Variants in TEAD1 observed in about 807,000 individuals in gnomAD.
TEAD1 encodes the protein transcriptional enhancer factor TEF-1.
In TEAD1, 9 loss-of-function variants were observed where a neutral mutation model predicts 54.9. The ratio of observed to expected loss-of-function variants is 0.16; its 90% CI spans 0.10 to 0.29. TEAD1 has a LOEUF of 0.29. Among genes scored for constraint, TEAD1 ranks in the 10% least tolerant of loss-of-function variants. TEAD1 has a pLI of 1.00. For synonymous variants in TEAD1, 200 were observed against 187.8 expected, an observed-to-expected ratio of 1.07 and a Z score of -0.53; for missense variants, 387 against 535.9, an observed-to-expected ratio of 0.72 and a Z score of 2.74.
intron 5 of TEAD1, among the ~76,000 whole-genome samples, chr11:12,866,651 G>A (rs1276870234): frequency 6.6e-6 from 1 of 152,308 alleles, no homozygotes; most frequent in East Asian, 1.9e-4. Context: ...CAGGCACAAG[G>A]AAGAGACAGA....
At chr11:12,753,726 C>T (rs780346643) in intron 2 of TEAD1, among the ~76,000 whole-genome samples, 4 of 152,088 alleles carry the variant, frequency 2.6e-5, no homozygotes, top group Admixed American at 6.5e-5. Context: ...TTCAAGAAAG[C>T]GAGTTCTGAG....
At chr11:12,788,429 G>A (rs1945728188) in intron 3 of TEAD1, among the ~76,000 whole-genome samples, 1 of 152,088 alleles carries the variant, frequency 6.6e-6, no homozygotes, top group Admixed American at 6.5e-5. Flanking sequence ...ACCGTGCCTG[G>A]CCAAATCTTC....
Position 12,862,233 on chromosome 11 carries a change from A to G in TEAD1, c.203-17A>G. The G allele has an allele frequency of 6.2e-7, 1 of 1,612,476 alleles. No individual in the cohort carries two copies. Among genetic ancestry groups the G allele is most frequent in the African/African-American group, 1.3e-5 (1 of 74,966 alleles). ...GTTTTGGTAACCCACCTCATGGTAA[A>G]TTCTTCTTTCTTTCAGGTAGGAATG... On this transcript the variant is annotated splice_polypyrimidine_tract_variant and intron_variant, in intron 3 of 12. Transcript: ENST00000527636.
chr11:12,895,658 T>A (rs1478486710), intron 9 of TEAD1, among the ~76,000 whole-genome samples: 1 of 152,246 alleles, frequency 6.6e-6, no homozygotes, highest in African/African-American at 2.4e-5. Flanking sequence ...TGATTGGTGG[T>A]TTATTTAATA....
chr11:12,731,399 A>G (rs766844025), intron 2 of TEAD1, among the ~76,000 whole-genome samples: 11 of 152,104 alleles, frequency 7.2e-5, no homozygotes, highest in Non-Finnish European at 1.5e-4. Context: ...TAGTCTTCCA[A>G]AGTATTTTCA....
chr11:12,676,322 A>G (rs1191136133), intron 2 of TEAD1, among the ~76,000 whole-genome samples: 1 of 152,220 alleles, frequency 6.6e-6, no homozygotes, highest in Non-Finnish European at 1.5e-5. Context: ...TTACCTGAGT[A>G]GACATATCCC....
chr11:12,930,658 G>A (rs1329164292), intron 12 of TEAD1, among the ~76,000 whole-genome samples: 1 of 152,160 alleles, frequency 6.6e-6, no homozygotes, highest in Non-Finnish European at 1.5e-5. Context: ...CTGTATCCTA[G>A]ATCAATTAAA....
intron 2 of TEAD1, among the ~76,000 whole-genome samples, chr11:12,676,064 T>C (rs192017573): frequency 1.3e-5 from 2 of 152,280 alleles, no homozygotes; most frequent in African/African-American, 4.8e-5. Flanking sequence ...GAGCAGGGAA[T>C]GTAAAAAGGC....
chr11:12,747,647 T>C lies in TEAD1; in HGVS notation c.-54-16532T>C, dbSNP rs114122619. 7.8e-3 allele frequency among the ~76,000 whole-genome samples: 1,192 copies of C among 152,264 alleles called. 20 individuals carry two copies. The highest frequency in any genetic ancestry group is 0.027 in the African/African-American group (1,139 of 41,550). ...CACCACGCCTGGCCTATTAGTTTTGTTGTCAGCTATTTGAGAACCTACGGT... is the reference window on the plus strand; with the variant it reads ...CACCACGCCTGGCCTATTAGTTTTGCTGTCAGCTATTTGAGAACCTACGGT... On this transcript the variant is annotated intron_variant, in intron 2 of 12. Transcript: ENST00000527636.
chr11:12,678,719 C>T (rs957615744), intron 2 of TEAD1, among the ~76,000 whole-genome samples: 1 of 152,120 alleles, frequency 6.6e-6, no homozygotes, highest in Non-Finnish European at 1.5e-5. Context: ...GATCTAAATA[C>T]TTGGAGTGTT....
chr11:12,923,674 C>G (rs1394660102), intron 10 of TEAD1, among the ~76,000 whole-genome samples: 1 of 152,152 alleles, frequency 6.6e-6, no homozygotes, highest in Non-Finnish European at 1.5e-5. Context: ...ATTCATTTCT[C>G]ACATTTCTAG....
At chr11:12,794,510 C>T (rs1054375272) in intron 3 of TEAD1, among the ~76,000 whole-genome samples, 2 of 152,308 alleles carry the variant, frequency 1.3e-5, no homozygotes, top group South Asian at 2.1e-4. Flanking sequence ...CCTCTCTTTT[C>T]GACATGTGAC....
intron 9 of TEAD1, among the ~76,000 whole-genome samples, chr11:12,889,231 GC>G (rs1948149618): frequency 6.6e-6 from 1 of 152,198 alleles, no homozygotes; most frequent in Non-Finnish European, 1.5e-5. Context: ...TTTAAAAGGG[GC>G]CTCCCTGAAA....
At chr11:12,922,192 C>CTTTTTTTTTTTTT (rs756723520) in intron 10 of TEAD1, among the ~76,000 whole-genome samples, 1 of 94,518 alleles carries the variant, frequency 1.1e-5, no homozygotes, top group African/African-American at 4.3e-5. Flanking sequence ...ACATGGTTCT[C>CTTTTTTTTTTTTT]TTTTTTTTTT....
Position 12,855,412 on chromosome 11 carries a change from C to G in TEAD1, c.203-6838C>G, listed in dbSNP as rs573075827. On this transcript the variant is annotated intron_variant, in intron 3 of 12. Transcript: ENST00000527636. ...TCAAGCGACTCTCCTGCCTCAGCCC[C>G]CCGAGTAGCTGGGATTACAGGCATG... 2.0e-5 allele frequency among the ~76,000 whole-genome samples: 3 copies of G among 152,096 alleles called. No individual in the cohort carries two copies. In the East Asian group the frequency reaches 5.8e-4, roughly 30 times the overall value.
At chr11:12,837,681 T>TTTCTCCCTTCTCCC (rs145222171) in intron 3 of TEAD1, among the ~76,000 whole-genome samples, 3 of 82,956 alleles carry the variant, frequency 3.6e-5, no homozygotes, top group African/African-American at 1.2e-4. Flanking sequence ...TTCTTCCTTC[T>TTTCTCCCTTCTCCC]TTCTCCCTTC....
rs574954473 is a variant in TEAD1, at chr11:12,866,134, G to A, written c.330+1234G>A. Among the ~76,000 whole-genome samples the A allele has an allele frequency of 3.3e-5, 5 of 152,340 alleles. No homozygotes were observed. In the East Asian group the frequency reaches 9.6e-4, roughly 29 times the overall value. ...TGGCTGGCTTTTAGCTGCACTGGCT[G>A]AGCAGTTGGAAGACTAAGATAACTT... On this transcript the variant is annotated intron_variant, in intron 5 of 12. Coordinates refer to ENST00000527636, the MANE Select transcript of TEAD1 (RefSeq NM_021961.6).
At chr11:12,753,693 G>A (rs1056028037) in intron 2 of TEAD1, among the ~76,000 whole-genome samples, 15 of 152,126 alleles carry the variant, frequency 9.9e-5, no homozygotes, top group African/African-American at 3.6e-4. Context: ...TTTGTGGCCT[G>A]CTTTGATTTT....
intron 2 of TEAD1, among the ~76,000 whole-genome samples, chr11:12,752,221 T>TG (rs916796637): frequency 2.6e-5 from 4 of 151,322 alleles, no homozygotes; most frequent in South Asian, 4.2e-4. Context: ...CAGTTTTTTT[T>TG]TTTTTTTTTT....
Sources: gnomAD v4.1 joint callset for allele counts (sites outside exome capture counted in the v4.1 genomes callset) on GRCh38, gnomAD v4.1.1 for gene constraint, MANE v1.5 for transcripts, NCBI Gene and HGNC (gene_info 2026-07-23, HGNC 2026-07-21) for gene names.